Variants in DOT1L observed in about 807,000 individuals in gnomAD.
DOT1L encodes the protein DOT1 like histone lysine methyltransferase.
In DOT1L, 33 loss-of-function variants were observed where a neutral mutation model predicts 153.3. The observed-to-expected ratio is 0.22, with a 90% CI of 0.16 to 0.29. The LOEUF is 0.29. DOT1L is among the 10% of genes least tolerant of loss of function. DOT1L has a pLI of 1.00. For synonymous variants in DOT1L, 1,135 were observed against 965.1 expected, an observed-to-expected ratio of 1.18 and a Z score of -3.26; for missense variants, 1,847 against 2,119.9, an observed-to-expected ratio of 0.87 and a Z score of 2.53.
At chr19:2,225,780 C>T (rs960825711) in intron 26 of DOT1L, among the ~76,000 whole-genome samples, 13 of 152,168 alleles carry the variant, frequency 8.5e-5, no homozygotes, top group African/African-American at 3.1e-4. Flanking sequence ...GCCTTCCCCC[C>T]GAGTGGTGCC....
In DOT1L at chr19:2,231,725, G is replaced by C. The variant is rs1337590998; in HGVS notation, c.*1933G>C. 4.7e-6 allele frequency: 1 copy of C among 213,304 alleles called. No individual in the cohort carries two copies. The highest frequency in any genetic ancestry group is 9.5e-6 in the Non-Finnish European group (1 of 105,566). The allele number at this position is 213,304 out of a possible 1,614,324, so 13.2% of individuals were successfully genotyped here. ...CGGATACGCCACAGGGTTGATGGCA[G>C]AGACGGCCGAGTCCCTGGTCTAGAA... On this transcript the variant is annotated 3_prime_UTR_variant, in exon 28 of 28. Transcript: ENST00000398665.
At chr19:2,166,872 T>A (rs536293112) in intron 1 of DOT1L, among the ~76,000 whole-genome samples, 19 of 152,184 alleles carry the variant, frequency 1.2e-4, no homozygotes, top group Non-Finnish European at 2.6e-4. Context: ...GCCCCCATCC[T>A]CAGCTTGCCT....
At position 2,227,974 on chromosome 19, in the gene DOT1L, C is replaced by T. The variant is rs1388739690; in HGVS notation, c.4606+847C>T. ...CACCTGGGCCGGTCCCCCGCGGGGC[C>T]GCCCGTCCTCCACGCCCCCCCTCCA... is the stretch of plus-strand genomic sequence containing the variant. On this transcript the variant is annotated intron_variant, in intron 27 of 27. Coordinates refer to ENST00000398665, the MANE Select transcript of DOT1L (RefSeq NM_032482.3). 2.1e-5 allele frequency: 27 copies of T among 1,270,542 alleles called. 1 individual carries two copies. The Admixed American group carries it at 4.9e-4, about 23-fold the overall frequency. The allele number at this position is 1,270,542 out of a possible 1,614,324, so 78.7% of individuals were successfully genotyped here. A position where few individuals can be genotyped will look rare whatever the true frequency, so the allele number is the denominator to read the frequency against.
chr19:2,167,433 C>T (rs1359580218), intron 1 of DOT1L, among the ~76,000 whole-genome samples: 1 of 152,208 alleles, frequency 6.6e-6, no homozygotes, highest in Admixed American at 6.5e-5. Flanking sequence ...GCCAGTGCTC[C>T]ATTGTAAATA....
chr19:2,221,139 T>C, intron 23 of DOT1L: 1 of 154,322 alleles, frequency 6.5e-6, no homozygotes, highest in Non-Finnish European at 1.4e-5. Flanking sequence ...ATCGCACCAC[T>C]GCACTCCCGC....
intron 10 of DOT1L, 115 bp downstream of exon 10, chr19:2,206,912 T>G (rs1212991377): frequency 9.1e-7 from 1 of 1,100,476 alleles, no homozygotes; most frequent in Non-Finnish European, 1.4e-6. Context: ...GATCCTTCTG[T>G]GGGGTGGGGC....
In DOT1L at chr19:2,208,946, T is replaced by C. The variant is rs878951555; in HGVS notation, c.975T>C (p.Tyr325=). 5 of 1,613,442 alleles carry C rather than the reference T, an allele frequency of 3.1e-6. No individual in the cohort carries two copies. The South Asian group carries it at 4.4e-5, about 14-fold the overall frequency. Residue 325 remains tyrosine, a synonymous_variant, in exon 12 of 28, where the codon TAT becomes TAC. Transcript: ENST00000398665. This position sits in a 1 kb window ranked among gnomAD's most constrained non-coding sequence, Gnocchi z 4.4. ...TTTCTTCTTTTTAGCTTGAAAACTA[T>C]TTTTCTAGTCTGAAAAACCCAAAAC... ...HTIDRTILEN[Y]FSSLKNPKLR... is the part of the protein sequence containing the mutation.
At chr19:2,203,035 C>T (rs755030727) in intron 9 of DOT1L, among the ~76,000 whole-genome samples, 8 of 152,224 alleles carry the variant, frequency 5.3e-5, no homozygotes, top group East Asian at 1.9e-4. Context: ...GATTCTTCTG[C>T]GTCAGTCTCC....
chr19:2,175,516 T>C (rs2021884154), intron 1 of DOT1L, among the ~76,000 whole-genome samples: 1 of 152,192 alleles, frequency 6.6e-6, no homozygotes, highest in Non-Finnish European at 1.5e-5. Context: ...TGGAATATTA[T>C]CATTTTATCA....
intron 1 of DOT1L, among the ~76,000 whole-genome samples, chr19:2,175,364 G>A (rs531534555): frequency 2.6e-5 from 4 of 152,174 alleles, no homozygotes; most frequent in African/African-American, 9.6e-5. Context: ...GTGCAGTGAC[G>A]ATCATGATTC....
chr19:2,218,382 ATTTATTT>A lies in DOT1L; in HGVS notation c.2691+481_2691+487del, dbSNP rs928248348. On this transcript the variant is annotated intron_variant, in intron 22 of 27. Transcript: ENST00000398665. ...AGTATATGCTTCAGTGGTTTTTAGC[ATTTATTT>A]TTTATTTTTTATTTTTATTTTTCAG... 7.2e-5 allele frequency among the ~76,000 whole-genome samples: 11 copies of A among 152,268 alleles called. No individual in the cohort carries two copies. In the South Asian group the frequency reaches 1.5e-3, roughly 20 times the overall value.
intron 3 of DOT1L, among the ~76,000 whole-genome samples, chr19:2,188,492 C>CG (rs1334773979): frequency 6.1e-5 from 8 of 131,444 alleles, no homozygotes; most frequent in East Asian, 2.2e-4. Context: ...CCCCCCCCCC[C>CG]CCACCCGCAC....
Position 2,226,973 on chromosome 19 carries a change from C to T in DOT1L, c.4452C>T (p.Asn1484=). 4.4e-6 allele frequency: 7 copies of T among 1,591,936 alleles called. No individual in the cohort carries two copies. Among genetic ancestry groups the T allele is most frequent in the Non-Finnish European group, 5.1e-6 (6 of 1,176,710 alleles). The part of the protein sequence containing the change: ...FALGPMSLQA[N]LGSVAGSSVL... ...TCGGCCCCATGTCCCTGCAGGCCAA[C>T]CTCGGCTCCGTGGCCGGCTCCTCCG... The change falls in exon 27 of 28, where the codon AAC becomes AAT. Residue 1484 remains asparagine (N), a synonymous_variant. Transcript: ENST00000398665.
At chr19:2,214,428 A>G (rs1262239585) in intron 18 of DOT1L, 43 bp from the exon 19 acceptor site, 19 of 1,602,596 alleles carry the variant, frequency 1.2e-5, no homozygotes, top group Admixed American at 3.4e-5. Context: ...TGTGCTGGGC[A>G]GGCAGCCAGC....
At chr19:2,214,215 C>G (rs548219864) in intron 18 of DOT1L, 4 of 885,338 alleles carry the variant, frequency 4.5e-6, no homozygotes, top group Non-Finnish European at 6.7e-6. Flanking sequence ...GAGCCACACT[C>G]TGGCAGGCTC....
Position 2,216,418 on chromosome 19 carries a change from C to T in DOT1L, c.2061C>T (p.Ala687=). 2.5e-6 allele frequency: 4 copies of T among 1,612,520 alleles called. 1 individual carries two copies. The highest frequency in any genetic ancestry group is 8.5e-7 in the Non-Finnish European group (1 of 1,179,902). ...GALGRELEPD[A]SRLHLELDCT... is the part of the protein sequence containing the mutation. ...TGGGCCGCGAGCTGGAGCCTGACGC[C>T]AGCCGGCTGCACCTGGAGCTGGACT... is the stretch of plus-strand genomic sequence containing the variant. The change falls in exon 20 of 28, where the codon GCC becomes GCT. Residue 687 remains alanine (A), a synonymous_variant. Coordinates refer to ENST00000398665, the MANE Select transcript of DOT1L (RefSeq NM_032482.3).
At chr19:2,189,324 T>C (rs2022689047) in intron 3 of DOT1L, among the ~76,000 whole-genome samples, 1 of 152,098 alleles carries the variant, frequency 6.6e-6, no homozygotes, top group South Asian at 2.1e-4. Flanking sequence ...CCTCTGGCGA[T>C]GGTGGCTGTC....
Position 2,230,158 on chromosome 19 carries a change from C to G in DOT1L, c.*366C>G, listed in dbSNP as rs1425607676. ...CCAGCGGATTCGCCACAGCCTGCCC[C>G]GGTGCTATCTCGTCCCCAGGCCCGC... On this transcript the variant is annotated 3_prime_UTR_variant, in exon 28 of 28. Coordinates refer to ENST00000398665, the MANE Select transcript of DOT1L (RefSeq NM_032482.3). 1 of 504,320 alleles carries G rather than the reference C, an allele frequency of 2.0e-6. No homozygotes were observed. The allele number at this position is 504,320 out of a possible 1,614,324, so 31.2% of individuals were successfully genotyped here. A position where few individuals can be genotyped will look rare whatever the true frequency, so the allele number is the denominator to read the frequency against.
intron 19 of DOT1L, 186 bp downstream of exon 19, chr19:2,214,782 C>T (rs909870978): frequency 4.4e-5 from 37 of 834,992 alleles, no homozygotes; most frequent in South Asian, 3.9e-4. Context: ...GATGACTCTG[C>T]CTCACTCTAG....
Sources: gnomAD v4.1 joint callset for allele counts (sites outside exome capture counted in the v4.1 genomes callset) on GRCh38, gnomAD v4.1.1 for gene constraint, Gnocchi (gnomAD v3.1) non-coding constraint, MANE v1.5 for transcripts, NCBI Gene and HGNC (gene_info 2026-07-23, HGNC 2026-07-21) for gene names.